MICU1: variants seen among roughly 807,000 people sequenced by gnomAD.
The protein encoded by MICU1 is calcium uptake protein 1, mitochondrial.
MICU1 carries 45 observed loss-of-function variants against 56.8 expected under a neutral mutation model. That is an observed-to-expected ratio of 0.79 (90% confidence interval 0.62 to 1.02). The LOEUF (loss-of-function observed/expected upper bound fraction) is 1.02. MICU1 is among the 50% of genes least tolerant of loss of function. The probability of loss-of-function intolerance (pLI) is 0.00; values close to 1 mark genes in which losing one functional copy is unlikely to be tolerated. For synonymous variants in MICU1, 186 were observed against 195.1 expected, an observed-to-expected ratio of 0.95 and a Z score of 0.39; for missense variants, 504 against 587.1, an observed-to-expected ratio of 0.86 and a Z score of 1.46.
chr10:72,591,528 A>G (rs893175716), intron 1 of MICU1, among the ~76,000 whole-genome samples: 6 of 152,152 alleles, frequency 3.9e-5, no homozygotes, highest in African/African-American at 1.4e-4. Flanking sequence ...CAAAATCAGA[A>G]ATGAAAGTGG....
intron 1 of MICU1, among the ~76,000 whole-genome samples, chr10:72,587,227 C>T (rs536947027): frequency 6.6e-6 from 1 of 152,150 alleles, no homozygotes; most frequent in Admixed American, 6.5e-5. Context: ...AATCCCAGTG[C>T]CTTGGGAGAC....
intron 10 of MICU1, among the ~76,000 whole-genome samples, chr10:72,389,219 C>T (rs911724152): frequency 6.6e-6 from 1 of 152,200 alleles, no homozygotes. Context: ...AAATTGCTGA[C>T]TCCATCAGTA....
At chr10:72,504,953 T>A (rs1341978336) in intron 6 of MICU1, among the ~76,000 whole-genome samples, 1 of 150,318 alleles carries the variant, frequency 6.7e-6, no homozygotes. Context: ...TCAGAATGGC[T>A]ATTATTATCA....
Position 72,370,342 on chromosome 10 carries a change from C to G in MICU1, c.1271-1987G>C, listed in dbSNP as rs566947358. ...TAGCAGGAAACCCACAAACCTACCT[C>G]TACTCATGATTGGTCTGGGAAGAGT... On this transcript the variant is annotated intron_variant, in intron 11 of 11. Transcript: ENST00000361114. Among the ~76,000 whole-genome samples the G allele has an allele frequency of 2.6e-5, 4 of 152,266 alleles. No homozygotes were observed. In the South Asian group the frequency reaches 6.2e-4, roughly 24 times the overall value.
At chr10:72,414,988 T>C (rs1389206773) in intron 9 of MICU1, among the ~76,000 whole-genome samples, 3 of 151,792 alleles carry the variant, frequency 2.0e-5, no homozygotes, top group African/African-American at 7.3e-5. Context: ...TCTTGTCATG[T>C]ATCCTCTGCT....
intron 10 of MICU1, among the ~76,000 whole-genome samples, chr10:72,393,609 C>T (rs1023666199): frequency 2.6e-5 from 4 of 152,098 alleles, no homozygotes; most frequent in Non-Finnish European, 5.9e-5. Context: ...ATAGGTAGCC[C>T]TGTGTAAAGC....
intron 6 of MICU1, among the ~76,000 whole-genome samples, chr10:72,489,609 A>T (rs1335234533): frequency 6.6e-6 from 1 of 152,224 alleles, no homozygotes; most frequent in Non-Finnish European, 1.5e-5. Context: ...CAACTTTGCA[A>T]ACTTAAGTCT....
At chr10:72,385,731 A>C (rs539440450) in intron 10 of MICU1, among the ~76,000 whole-genome samples, 28 of 152,256 alleles carry the variant, frequency 1.8e-4, no homozygotes, top group African/African-American at 6.7e-4. Flanking sequence ...CCCTCTCCTC[A>C]GGTGGGCAGA....
chr10:72,593,363 G>A (rs1841281849), intron 1 of MICU1, among the ~76,000 whole-genome samples: 1 of 151,954 alleles, frequency 6.6e-6, no homozygotes, highest in Non-Finnish European at 1.5e-5. Flanking sequence ...ACTTTGGGAG[G>A]CTTAGGCAGG....
intron 1 of MICU1, among the ~76,000 whole-genome samples, chr10:72,597,024 TG>T (rs1270959556): frequency 6.6e-6 from 1 of 151,940 alleles, no homozygotes; most frequent in Admixed American, 6.6e-5. Context: ...TAGGGGAAAT[TG>T]GGGGGCGAGA....
chr10:72,431,028 T>G (rs1199665808), intron 8 of MICU1, among the ~76,000 whole-genome samples: 2 of 152,168 alleles, frequency 1.3e-5, no homozygotes, highest in African/African-American at 4.8e-5. Flanking sequence ...TTACAACATT[T>G]AACTGTGCTT....
intron 8 of MICU1, among the ~76,000 whole-genome samples, chr10:72,439,460 G>C (rs953485290): frequency 5.3e-5 from 8 of 152,194 alleles, no homozygotes; most frequent in Middle Eastern, 3.4e-3. Flanking sequence ...AATGGGCAAA[G>C]ACTGGAAGCA....
chr10:72,488,211 A>C (rs1011861755), intron 6 of MICU1, among the ~76,000 whole-genome samples: 4 of 151,468 alleles, frequency 2.6e-5, no homozygotes, highest in Non-Finnish European at 4.4e-5. Context: ...AAAAAAGAAA[A>C]AAAAATTAAA....
chr10:72,616,919 C>G (rs1210487540), intron 1 of MICU1, among the ~76,000 whole-genome samples: 1 of 152,168 alleles, frequency 6.6e-6, no homozygotes, highest in Non-Finnish European at 1.5e-5. Context: ...TGTCTGGGTT[C>G]CCTGTCCCTG....
At chr10:72,463,379 A>G (rs1423623478) in intron 8 of MICU1, among the ~76,000 whole-genome samples, 1 of 152,216 alleles carries the variant, frequency 6.6e-6, no homozygotes. Context: ...TTAATGATCC[A>G]TCTGAAAGGT....
intron 6 of MICU1, among the ~76,000 whole-genome samples, chr10:72,506,532 A>T (rs562286023): frequency 1.3e-5 from 2 of 152,358 alleles, no homozygotes; most frequent in East Asian, 3.9e-4. Flanking sequence ...GTCATTTTTT[A>T]AAAAAGATAA....
chr10:72,531,500 A>G (rs1458957780), intron 5 of MICU1: 1 of 152,096 alleles, frequency 6.6e-6, no homozygotes, highest in Non-Finnish European at 1.5e-5. Flanking sequence ...CGGGCGGATC[A>G]TGAGGTCAGG....
At chr10:72,452,790 G>T (rs780100092) in intron 8 of MICU1, among the ~76,000 whole-genome samples, 1 of 151,538 alleles carries the variant, frequency 6.6e-6, no homozygotes, top group Admixed American at 6.6e-5. Context: ...TCATAAATAG[G>T]GTTTGACATA....
intron 5 of MICU1, among the ~76,000 whole-genome samples, chr10:72,527,209 A>T (rs1475114320): frequency 6.6e-6 from 1 of 152,124 alleles, no homozygotes; most frequent in Non-Finnish European, 1.5e-5. Flanking sequence ...TTTTGAGCAA[A>T]CAGTATTAAG....
Sources: gnomAD v4.1 joint callset for allele counts (sites outside exome capture counted in the v4.1 genomes callset) on GRCh38, gnomAD v4.1.1 for gene constraint, MANE v1.5 for transcripts, NCBI Gene and HGNC (gene_info 2026-07-23, HGNC 2026-07-21) for gene names.